The following CCDC192 variants were observed in gnomAD, a reference collection of about 807,000 sequenced individuals.
CCDC192 encodes the protein coiled-coil domain-containing protein 192.
chr5:127,880,421 G>A lies in CCDC192; in HGVS notation c.535+4760G>A, dbSNP rs868666564. Among the ~76,000 whole-genome samples the A allele has an allele frequency of 1.5e-3, 206 of 134,488 alleles. 1 individual carries two copies. The highest frequency in any genetic ancestry group is 5.4e-3 in the African/African-American group (194 of 36,088). 88.2% of individuals were successfully genotyped at this position (134,488 alleles called of 152,430 possible). A position where few individuals can be genotyped will look rare whatever the true frequency, so the allele number is the denominator to read the frequency against. The stretch of plus-strand genomic sequence containing the variant: ...GAACAATGAGATCACATGGACACAG[G>A]AAGGGGAATATCACACTCTGGGGAC... On this transcript the variant is annotated intron_variant, in intron 6 of 6. Coordinates refer to ENST00000514853, the MANE Select transcript of CCDC192 (RefSeq NM_001317938.2).
chr5:127,712,842 C>G (rs537448638), intron 2 of CCDC192, among the ~76,000 whole-genome samples: 1 of 152,192 alleles, frequency 6.6e-6, no homozygotes, highest in Admixed American at 6.5e-5. Context: ...AACTGTTTTC[C>G]AAAGTCATTG....
chr5:127,778,083 A>G (rs971927167), intron 3 of CCDC192, among the ~76,000 whole-genome samples: 1 of 152,006 alleles, frequency 6.6e-6, no homozygotes, highest in Non-Finnish European at 1.5e-5. Flanking sequence ...CAGATAGGTG[A>G]ACTTCTTTGT....
intron 5 of CCDC192, among the ~76,000 whole-genome samples, chr5:127,849,988 G>A (rs1173358444): frequency 1.3e-5 from 2 of 152,192 alleles, no homozygotes; most frequent in Non-Finnish European, 2.9e-5. Flanking sequence ...AAATAAAAGA[G>A]GGTTTATCTG....
upstream of CCDC192, chr5:127,703,284 G>A (rs746933818): frequency 2.8e-5 from 11 of 390,930 alleles, no homozygotes; most frequent in Non-Finnish European, 4.1e-5. Flanking sequence ...GCTTTGTAAC[G>A]GAGATTTTTT....
chr5:127,904,031 G>T (rs1248573130), intron 6 of CCDC192, among the ~76,000 whole-genome samples: 1 of 152,188 alleles, frequency 6.6e-6, no homozygotes, highest in Non-Finnish European at 1.5e-5. Flanking sequence ...AAATTGTCCA[G>T]GTGGGCCCAG....
intron 6 of CCDC192, among the ~76,000 whole-genome samples, chr5:127,895,697 A>G (rs1246021056): frequency 6.6e-6 from 1 of 152,044 alleles, no homozygotes; most frequent in Non-Finnish European, 1.5e-5. Context: ...AAAATTAGCC[A>G]GGCACGGTGG....
At chr5:127,853,498 C>A (rs1348006449) in intron 5 of CCDC192, among the ~76,000 whole-genome samples, 1 of 152,014 alleles carries the variant, frequency 6.6e-6, no homozygotes, top group African/African-American at 2.4e-5. Flanking sequence ...GGAGGCTGGG[C>A]GTGGTGGCTC....
At chr5:127,753,688 GAAAAAAAAAA>G (rs71575707) in intron 2 of CCDC192, among the ~76,000 whole-genome samples, 1 of 124,376 alleles carries the variant, frequency 8.0e-6, no homozygotes, top group East Asian at 2.4e-4. Context: ...ACTCTGCCTG[GAAAAAAAAAA>G]AAAAAAAAGA....
chr5:127,897,389 G>C (rs2127162630), intron 6 of CCDC192, among the ~76,000 whole-genome samples: 1 of 152,150 alleles, frequency 6.6e-6, no homozygotes, highest in Non-Finnish European at 1.5e-5. Flanking sequence ...TGCAAAAGTA[G>C]CACCAGATAA....
At chr5:127,713,322 T>C (rs1254703243) in intron 2 of CCDC192, among the ~76,000 whole-genome samples, 1 of 152,234 alleles carries the variant, frequency 6.6e-6, no homozygotes, top group Non-Finnish European at 1.5e-5. Flanking sequence ...CTAATGGTGT[T>C]GAGCAACTTT....
chr5:127,733,346 A>G (rs957029116), intron 2 of CCDC192, among the ~76,000 whole-genome samples: 4 of 152,156 alleles, frequency 2.6e-5, no homozygotes, highest in African/African-American at 7.2e-5. Context: ...ACCAGCCGTT[A>G]TACTAAGTAA....
rs903206026 is a variant in CCDC192 at position 127,778,129 on chromosome 5, C to T, written c.223-18974C>T. Among the ~76,000 whole-genome samples the T allele has an allele frequency of 8.5e-5, 13 of 152,246 alleles. No homozygotes were observed. In the South Asian group the frequency reaches 2.3e-3, roughly 27 times the overall value. ...GATGTCTTATTTGTTCATATCATAG[C>T]TCTAGCTAGGACTTTCAGTACAAGG... is the stretch of plus-strand genomic sequence containing the variant. On this transcript the variant is annotated intron_variant, in intron 3 of 6. Coordinates refer to ENST00000514853, the MANE Select transcript of CCDC192 (RefSeq NM_001317938.2).
intron 5 of CCDC192, among the ~76,000 whole-genome samples, chr5:127,816,348 A>G (rs1185679741): frequency 6.6e-6 from 1 of 152,212 alleles, no homozygotes; most frequent in African/African-American, 2.4e-5. Context: ...CCTAAAGCTA[A>G]TAAGCAAATT....
At chr5:127,817,487 A>G (rs1749078800) in intron 5 of CCDC192, among the ~76,000 whole-genome samples, 1 of 152,218 alleles carries the variant, frequency 6.6e-6, no homozygotes, top group East Asian at 1.9e-4. Flanking sequence ...TTCATACTAC[A>G]ACATGGACAA....
intron 3 of CCDC192, chr5:127,786,688 G>T (rs1756558227): frequency 4.0e-6 from 3 of 758,048 alleles, no homozygotes; most frequent in South Asian, 1.4e-5. Context: ...TCCCATTGTT[G>T]AGTGTAGAAT....
chr5:127,732,061 C>G (rs1752668792), intron 2 of CCDC192, among the ~76,000 whole-genome samples: 1 of 152,018 alleles, frequency 6.6e-6, no homozygotes, highest in Non-Finnish European at 1.5e-5. Flanking sequence ...AGTGAACAGA[C>G]AACCTACAGA....
chr5:127,855,337 C>T (rs190768798), intron 5 of CCDC192, among the ~76,000 whole-genome samples: 1 of 152,350 alleles, frequency 6.6e-6, no homozygotes, highest in East Asian at 1.9e-4. Flanking sequence ...AGGAGCAACT[C>T]ATTCATTCAA....
intron 2 of CCDC192, among the ~76,000 whole-genome samples, chr5:127,746,240 G>C (rs183850473): frequency 6.6e-6 from 1 of 152,206 alleles, no homozygotes; most frequent in Non-Finnish European, 1.5e-5. Context: ...TCCTAAATTT[G>C]TCTGTATGAA....
intron 5 of CCDC192, among the ~76,000 whole-genome samples, chr5:127,868,828 TC>T: frequency 6.6e-6 from 1 of 151,480 alleles, no homozygotes; most frequent in Non-Finnish European, 1.5e-5. Flanking sequence ...TTATCAAAAC[TC>T]CCCACAATGT....
Sources: gnomAD v4.1 joint callset for allele counts (sites outside exome capture counted in the v4.1 genomes callset) on GRCh38, gnomAD v4.1.1 for gene constraint, MANE v1.5 for transcripts, NCBI Gene and HGNC (gene_info 2026-07-23, HGNC 2026-07-21) for gene names.